MAP3K20: variants seen among roughly 807,000 people sequenced by gnomAD.
MAP3K20 encodes the protein HCCS-4.
Under a neutral mutation model 85.7 loss-of-function variants are expected in MAP3K20, and 40 were observed. The ratio of observed to expected loss-of-function variants is 0.47; its 90% CI spans 0.36 to 0.61. The LOEUF (loss-of-function observed/expected upper bound fraction) is 0.61, where lower values mean the gene tolerates loss of function less well. Ranked by LOEUF, MAP3K20 falls within the 20% of genes least tolerant of loss-of-function variation. The pLI, the probability that MAP3K20 is intolerant of heterozygous loss-of-function variation, is 0.00. For missense variants in MAP3K20, 817 were observed against 961.7 expected, an observed-to-expected ratio of 0.85 and a Z score of 1.99; for synonymous variants, 325 against 327.7, an observed-to-expected ratio of 0.99 and a Z score of 0.09.
chr2:173,264,594 C>T (rs550998447), intron 19 of MAP3K20, among the ~76,000 whole-genome samples: 1 of 152,350 alleles, frequency 6.6e-6, no homozygotes, highest in South Asian at 2.1e-4. Context: ...AGCATGAGCA[C>T]ATCTGACTTA....
At chr2:173,084,205 G>C (rs568893736) in intron 1 of MAP3K20, among the ~76,000 whole-genome samples, 18 of 152,154 alleles carry the variant, frequency 1.2e-4, no homozygotes, top group African/African-American at 4.3e-4. Flanking sequence ...CACTGTGCCC[G>C]GCCAAAGTAG....
intron 16 of MAP3K20, among the ~76,000 whole-genome samples, chr2:173,256,510 T>TAGACAGACAGACAGACAGAC (rs1388571788): frequency 5.4e-5 from 7 of 130,148 alleles, no homozygotes; most frequent in African/African-American, 2.3e-4. Context: ...GATAGATAGA[T>TAGACAGACAGACAGACAGAC]AGATAGATAG....
chr2:173,260,867 G>C (rs1474240637), intron 17 of MAP3K20, among the ~76,000 whole-genome samples, 196 bp from the exon 18 acceptor site: 2 of 152,208 alleles, frequency 1.3e-5, no homozygotes, highest in Non-Finnish European at 2.9e-5. Context: ...TATACAAAAG[G>C]ATGTCTTATG....
chr2:173,249,093 T>C (rs1374776231), intron 16 of MAP3K20, among the ~76,000 whole-genome samples: 1 of 152,166 alleles, frequency 6.6e-6, no homozygotes, highest in South Asian at 2.1e-4. Flanking sequence ...TTGTAAAAAG[T>C]AAGAATATAG....
rs578071970 is a variant in MAP3K20 at position 173,257,297 on chromosome 2, C to T, written c.1360-1402C>T. ...AACCTCTATCAATAGAGCACTGCTACCCCCAGAAAGTTTCCTCATACCCCT... is the reference window on the plus strand; with the variant it reads ...AACCTCTATCAATAGAGCACTGCTATCCCCAGAAAGTTTCCTCATACCCCT... On this transcript the variant is annotated intron_variant, in intron 16 of 19. Transcript: ENST00000375213. Among the ~76,000 whole-genome samples the T allele has an allele frequency of 1.1e-3, 174 of 152,302 alleles. 2 individuals carry two copies. The highest frequency in any genetic ancestry group is 3.9e-3 in the African/African-American group (164 of 41,576).
chr2:173,109,098 CT>C (rs905106604), intron 2 of MAP3K20, among the ~76,000 whole-genome samples: 1 of 152,128 alleles, frequency 6.6e-6, no homozygotes, highest in African/African-American at 2.4e-5. Context: ...TCTCTTTTTT[CT>C]TTCTCCGAAT....
intron 2 of MAP3K20, among the ~76,000 whole-genome samples, chr2:173,161,596 A>G (rs746179): frequency 0.22 from 32,938 of 152,116 alleles, 3,863 homozygotes; most frequent in South Asian, 0.35. Flanking sequence ...TAGATATTTT[A>G]TAAGAGGAGC....
chr2:173,111,670 T>G (rs1687978298), intron 2 of MAP3K20, among the ~76,000 whole-genome samples: 1 of 152,218 alleles, frequency 6.6e-6, no homozygotes, highest in Admixed American at 6.5e-5. Flanking sequence ...GCACCATTTG[T>G]TGAAAAGGGT....
intron 10 of MAP3K20, among the ~76,000 whole-genome samples, chr2:173,213,805 T>C (rs908281314): frequency 1.3e-5 from 2 of 152,230 alleles, no homozygotes; most frequent in African/African-American, 4.8e-5. Context: ...AAGAGAAATA[T>C]TACAGGGCAT....
intron 2 of MAP3K20, among the ~76,000 whole-genome samples, chr2:173,146,875 C>CT (rs1006426055): frequency 1.2e-4 from 18 of 152,174 alleles, no homozygotes; most frequent in Non-Finnish European, 2.5e-4. Context: ...TTGTTATTCT[C>CT]TGTCTTTTTA....
intron 3 of MAP3K20, among the ~76,000 whole-genome samples, chr2:173,172,632 C>A (rs984343682): frequency 1.3e-5 from 2 of 151,988 alleles, no homozygotes; most frequent in Non-Finnish European, 2.9e-5. Context: ...ACATATAAAA[C>A]CTGCTTATCA....
intron 16 of MAP3K20, among the ~76,000 whole-genome samples, chr2:173,255,604 C>A (rs1421546683): frequency 6.6e-6 from 1 of 152,188 alleles, no homozygotes; most frequent in African/African-American, 2.4e-5. Flanking sequence ...CTGTCAGCCG[C>A]TTCTTCACAC....
chr2:173,224,945 C>T (rs895736830), intron 11 of MAP3K20: 1 of 981,504 alleles, frequency 1.0e-6, no homozygotes, highest in Non-Finnish European at 1.2e-6. Flanking sequence ...GGATTTAGTT[C>T]CAACTACTTG....
In MAP3K20 at chr2:173,091,001, T is replaced by C. The variant is rs747781688; in HGVS notation, c.-31T>C. On this transcript the variant is annotated 5_prime_UTR_variant, in exon 2 of 20. Transcript: ENST00000375213. ...TTCTTTTTCTTTCTTTCTGCAGATT[T>C]TGTGGAAGTATAATACTTTGTCATT... 1.9e-6 allele frequency: 3 copies of C among 1,570,814 alleles called. No individual in the cohort carries two copies. In the Admixed American group the frequency reaches 5.9e-5, roughly 31 times the overall value.
intron 5 of MAP3K20, among the ~76,000 whole-genome samples, chr2:173,188,437 G>A (rs1243717688): frequency 6.6e-6 from 1 of 152,156 alleles, no homozygotes; most frequent in African/African-American, 2.4e-5. Context: ...TCTCAGTAAG[G>A]AGGAAGCGAA....
chr2:173,207,331 A>C (rs2106299040), intron 9 of MAP3K20, among the ~76,000 whole-genome samples: 1 of 152,242 alleles, frequency 6.6e-6, no homozygotes, highest in Middle Eastern at 3.4e-3. Context: ...GTCTCTACTA[A>C]AATACAAAAG....
chr2:173,247,216 CTTGTA>C (rs1022713101), intron 16 of MAP3K20, among the ~76,000 whole-genome samples: 2 of 152,168 alleles, frequency 1.3e-5, no homozygotes, highest in African/African-American at 4.8e-5. Context: ...ATGCTTCCCA[CTTGTA>C]TTGTGCTTTT....
intron 2 of MAP3K20, among the ~76,000 whole-genome samples, chr2:173,162,244 T>C (rs999632642): frequency 1.3e-5 from 2 of 152,182 alleles, no homozygotes; most frequent in Non-Finnish European, 2.9e-5. Flanking sequence ...CCCTGGATCA[T>C]ATTGGCATTT....
At chr2:173,128,312 C>CTTAT (rs59187122) in intron 2 of MAP3K20, among the ~76,000 whole-genome samples, 66,142 of 145,584 alleles carry the variant, frequency 0.45, 15,580 homozygotes, top group East Asian at 0.72. Flanking sequence ...TTATAGTTGA[C>CTTAT]TTATTTATTT....
Sources: allele counts gnomAD v4.1 joint callset (sites outside exome capture counted in the v4.1 genomes callset), GRCh38; gene constraint gnomAD v4.1.1; transcripts MANE v1.5; gene names NCBI Gene and HGNC (gene_info 2026-07-23, HGNC 2026-07-21).